RAPGEF2: variants seen among roughly 807,000 people sequenced by gnomAD.
RAPGEF2 encodes the protein PDZ domain containing guanine nucleotide exchange factor (GEF) 1.
Under a neutral mutation model 186.7 loss-of-function variants are expected in RAPGEF2, and 54 were observed. That is an observed-to-expected ratio of 0.29 (90% CI 0.23 to 0.36). The LOEUF is 0.36. RAPGEF2 is among the 10% of genes least tolerant of loss of function. The probability of loss-of-function intolerance (pLI) is 1.00; values close to 1 mark genes in which losing one functional copy is unlikely to be tolerated. For missense variants in RAPGEF2, 1,532 were observed against 2,045.0 expected (o/e 0.75, Z 4.84); for synonymous variants, 712 against 705.9 (o/e 1.01, Z -0.14).
At chr4:159,334,190 T>C (rs1561299800) in intron 17 of RAPGEF2, among the ~76,000 whole-genome samples, 1 of 152,224 alleles carries the variant, frequency 6.6e-6, no homozygotes, top group Admixed American at 6.5e-5. Flanking sequence ...ATAACCTTCG[T>C]TGATGAAAAC....
intron 5 of RAPGEF2, among the ~76,000 whole-genome samples, chr4:159,239,757 T>C (rs1052239225): frequency 6.6e-6 from 1 of 152,186 alleles, no homozygotes; most frequent in Non-Finnish European, 1.5e-5. Flanking sequence ...ATTCTTACTG[T>C]CTCCATCCAG....
chr4:159,166,861 G>T (rs1745376100), intron 1 of RAPGEF2, among the ~76,000 whole-genome samples: 1 of 152,184 alleles, frequency 6.6e-6, no homozygotes, highest in Middle Eastern at 3.2e-3. Flanking sequence ...CCATCAGGAT[G>T]GATTGGGTAG....
intron 1 of RAPGEF2, among the ~76,000 whole-genome samples, chr4:159,167,996 G>A (rs1027611510): frequency 6.6e-6 from 1 of 152,208 alleles, no homozygotes; most frequent in Non-Finnish European, 1.5e-5. Context: ...AAAATAAGGT[G>A]GTGAGGCTCA....
chr4:159,344,083 C>T (rs1180128978), intron 23 of RAPGEF2, 24 bp downstream of exon 23: 2 of 1,524,582 alleles, frequency 1.3e-6, no homozygotes, highest in East Asian at 2.3e-5. Context: ...ACCTTGCATA[C>T]CCACACACAG....
chr4:159,198,315 TTTCTTTCTTTC>T (rs1748998967), intron 3 of RAPGEF2, among the ~76,000 whole-genome samples: 1 of 40,240 alleles, frequency 2.5e-5, no homozygotes, highest in Non-Finnish European at 4.7e-5. Flanking sequence ...TCTTTCTTTC[TTTCTTTCTTTC>T]TTTCTTTCTT....
At chr4:159,125,506 C>T (rs1319887883) in intron 1 of RAPGEF2, among the ~76,000 whole-genome samples, 2 of 152,064 alleles carry the variant, frequency 1.3e-5, no homozygotes, top group Non-Finnish European at 2.9e-5. Flanking sequence ...CACCTGTAAT[C>T]GTAGCACTTT....
chr4:159,169,714 A>G (rs888757351), intron 1 of RAPGEF2, among the ~76,000 whole-genome samples: 1 of 152,104 alleles, frequency 6.6e-6, no homozygotes, highest in African/African-American at 2.4e-5. Flanking sequence ...CTCACTTAAC[A>G]TATCCTCCAG....
intron 7 of RAPGEF2, among the ~76,000 whole-genome samples, chr4:159,252,912 T>C (rs963891084): frequency 6.6e-6 from 1 of 152,232 alleles, no homozygotes; most frequent in Admixed American, 6.5e-5. Flanking sequence ...AACTTAAAAA[T>C]AGTGATACAC....
chr4:159,158,479 A>G (rs914861207), intron 1 of RAPGEF2, among the ~76,000 whole-genome samples: 1 of 152,226 alleles, frequency 6.6e-6, no homozygotes, highest in Non-Finnish European at 1.5e-5. Context: ...TTGTAAGGTT[A>G]TCAGAGGTCA....
chr4:159,324,511 A>G (rs1765673844), intron 11 of RAPGEF2, among the ~76,000 whole-genome samples: 1 of 152,216 alleles, frequency 6.6e-6, no homozygotes, highest in African/African-American at 2.4e-5. Context: ...TATGGAAGTA[A>G]AATGCACATT....
At chr4:159,282,720 A>G (rs1368121557) in intron 7 of RAPGEF2, 1 of 420,062 alleles carries the variant, frequency 2.4e-6, no homozygotes, top group Non-Finnish European at 4.6e-6. Context: ...AAATGTCTTT[A>G]TTTGCTCACA....
intron 16 of RAPGEF2, 40 bp from the exon 17 acceptor site, chr4:159,332,411 A>C (rs757300919): frequency 1.3e-6 from 2 of 1,576,422 alleles, no homozygotes; most frequent in Non-Finnish European, 1.7e-6. Flanking sequence ...GATATCTTAT[A>C]ATTGCCATTA....
At chr4:159,315,767 G>A (rs374368381) in intron 9 of RAPGEF2, among the ~76,000 whole-genome samples, 8 of 152,306 alleles carry the variant, frequency 5.3e-5, no homozygotes. Flanking sequence ...CATTATTTCT[G>A]CATATCAGAG....
intron 10 of RAPGEF2, among the ~76,000 whole-genome samples, chr4:159,322,764 C>A (rs932774787): frequency 6.6e-6 from 1 of 152,104 alleles, no homozygotes; most frequent in Admixed American, 6.5e-5. Context: ...GTGAAAGGCA[C>A]TTCTTACATG....
chr4:159,219,573 T>G (rs1751332400), intron 4 of RAPGEF2, among the ~76,000 whole-genome samples: 1 of 152,076 alleles, frequency 6.6e-6, no homozygotes, highest in African/African-American at 2.4e-5. Context: ...GCCAGGATGG[T>G]CTTGATCGCC....
chr4:159,356,235 C>G, intron 29 of RAPGEF2, 77 bp downstream of exon 29: 3 of 1,394,960 alleles, frequency 2.2e-6, no homozygotes, highest in Non-Finnish European at 2.9e-6. Context: ...CATTTCTGTT[C>G]TCTTAACACT....
intron 1 of RAPGEF2, among the ~76,000 whole-genome samples, chr4:159,109,992 G>A (rs1238390790): frequency 2.0e-5 from 3 of 152,218 alleles, no homozygotes; most frequent in Non-Finnish European, 4.4e-5. Context: ...CTGGGAAGCT[G>A]AATTACACAG....
At chr4:159,345,071 A>G in intron 23 of RAPGEF2, 35 bp from the exon 24 acceptor site, 1 of 1,540,882 alleles carries the variant, frequency 6.5e-7, no homozygotes. Context: ...CTCCCATGCT[A>G]GAGTGAGCTG....
chr4:159,350,309 T>C lies in RAPGEF2; in HGVS notation c.3865+20T>C. 6.6e-7 allele frequency: 1 copy of C among 1,526,080 alleles called. No homozygotes were observed. The highest frequency in any genetic ancestry group is 8.8e-7 in the Non-Finnish European group (1 of 1,135,898). 94.5% of individuals were successfully genotyped at this position (1,526,080 alleles called of 1,614,324 possible). A position where few individuals can be genotyped will look rare whatever the true frequency, so the allele number is the denominator to read the frequency against. On this transcript the variant is annotated intron_variant, in intron 26 of 29. Transcript: ENST00000691494. ...GGAAAGGTAGAATTAAATTACTTTTTGTTTTCTTGTATTGAAACCTATACA... is the reference window on the plus strand; with the variant it reads ...GGAAAGGTAGAATTAAATTACTTTTCGTTTTCTTGTATTGAAACCTATACA...
Sources: gnomAD v4.1 joint callset for allele counts (sites outside exome capture counted in the v4.1 genomes callset) on GRCh38, gnomAD v4.1.1 for gene constraint, MANE v1.5 for transcripts, NCBI Gene and HGNC (gene_info 2026-07-23, HGNC 2026-07-21) for gene names.